KLK11: variants seen among roughly 807,000 people sequenced by gnomAD.
The protein encoded by KLK11 is kallikrein related peptidase 11.
Under a neutral mutation model 23.4 loss-of-function variants are expected in KLK11, and 10 were observed. That is an observed-to-expected ratio of 0.43 (90% CI 0.26 to 0.73). The LOEUF (loss-of-function observed/expected upper bound fraction) is 0.73, where lower values mean the gene tolerates loss of function less well. Among genes scored for constraint, KLK11 ranks in the 30% least tolerant of loss-of-function variants. KLK11 has a pLI of 0.22. For synonymous variants in KLK11, 131 were observed against 131.7 expected, an observed-to-expected ratio of 0.99 and a Z score of 0.03; for missense variants, 285 against 327.8, an observed-to-expected ratio of 0.87 and a Z score of 1.01.
chr19:51,027,368 G>A (rs1349718166), upstream of KLK11: 3 of 1,335,836 alleles, frequency 2.2e-6, no homozygotes, highest in African/African-American at 2.9e-5. Flanking sequence ...CCACCCCAGG[G>A]CTCCTCTGGG....
chr19:51,026,375 A>C (rs2091486453), intron 1 of KLK11, among the ~76,000 whole-genome samples, 163 bp downstream of exon 1: 1 of 151,864 alleles, frequency 6.6e-6, no homozygotes, highest in African/African-American at 2.4e-5. Context: ...GAGGCTGCGG[A>C]CAGCCATCGG....
intron 4 of KLK11, 141 bp from the exon 5 acceptor site, chr19:51,023,369 A>G: frequency 1.1e-6 from 1 of 880,346 alleles, no homozygotes; most frequent in Non-Finnish European, 1.7e-6. Context: ...CAATAGCAAC[A>G]GCAATGCTAT....
chr19:51,022,478 CA>C lies in KLK11; in HGVS notation c.*66del. 1 of 1,589,946 alleles carries C rather than the reference CA, an allele frequency of 6.3e-7. No individual in the cohort carries two copies. Among genetic ancestry groups the C allele is most frequent in the African/African-American group, 1.3e-5 (1 of 74,498 alleles). On this transcript the variant is annotated 3_prime_UTR_variant, in exon 6 of 6. Transcript: ENST00000453757. The stretch of plus-strand genomic sequence containing the variant: ...GTCTTGGCTTAGGGTTTCTTATTAA[CA>C]GAGTGAACAGGAACCAAACACCAAG...
chr19:51,026,068 G>C (rs1048744354), intron 1 of KLK11, among the ~76,000 whole-genome samples: 12 of 152,132 alleles, frequency 7.9e-5, no homozygotes, highest in Non-Finnish European at 1.5e-4. Context: ...AGGACAAGGG[G>C]AACCAGACAC....
chr19:51,026,598 ACAG>A lies in KLK11; in HGVS notation c.-99_-97del. 1.0e-6 allele frequency: 1 copy of A among 986,706 alleles called. No individual in the cohort carries two copies. The highest frequency in any genetic ancestry group is 1.2e-6 in the Non-Finnish European group (1 of 830,542). The allele number at this position is 986,706 out of a possible 1,614,324, so 61.1% of individuals were successfully genotyped here. ...GGCGGAGACGGCAGTGGCGGCAGCT[ACAG>A]CAGGTAGGCTGGGTTGGAGCGCCAG... is the stretch of plus-strand genomic sequence containing the variant. On this transcript the variant is annotated 5_prime_UTR_variant, in exon 1 of 6. Coordinates refer to ENST00000453757, the MANE Select transcript of KLK11 (RefSeq NM_001136032.3).
upstream of KLK11, chr19:51,027,608 G>T: frequency 6.6e-7 from 1 of 1,512,338 alleles, no homozygotes; most frequent in South Asian, 1.1e-5. Flanking sequence ...TCTCTCCCCT[G>T]ACCAGGTGTG....
Position 51,022,455 on chromosome 19 carries a change from C to A in KLK11, c.*90G>T. ...GGCCCAAAGAATGTTCGTAGAGGGT[C>A]TTGGCTTAGGGTTTCTTATTAACAG... is the stretch of plus-strand genomic sequence containing the variant. On this transcript the variant is annotated 3_prime_UTR_variant, in exon 6 of 6. Transcript: ENST00000453757. The A allele has an allele frequency of 6.6e-7, 1 of 1,511,168 alleles. No homozygotes were observed. The allele number at this position is 1,511,168 out of a possible 1,614,324, so 93.6% of individuals were successfully genotyped here. A position where few individuals can be genotyped will look rare whatever the true frequency, so the allele number is the denominator to read the frequency against.
In KLK11 at chr19:51,024,046, C is replaced by T. The variant is rs900264581; in HGVS notation, c.462G>A (p.Gln154=). 6.5e-7 allele frequency: 1 copy of T among 1,533,696 alleles called. No individual in the cohort carries two copies. The highest frequency in any genetic ancestry group is 8.8e-7 in the Non-Finnish European group (1 of 1,135,276). Residue 154 remains glutamine, a splice_region_variant and synonymous_variant, in exon 4 of 6, where the codon CAG becomes CAA. Transcript: ENST00000453757. This position sits in a 1 kb window ranked among gnomAD's most constrained non-coding sequence, Gnocchi z 6.2. Reference sequence around the variant, plus strand: ...CAGGTTCCCCTCTGGTGCTCCTACACTGGGGGCTGGACGTGCTGCCCCAGC... The same window carrying T: ...CAGGTTCCCCTCTGGTGCTCCTACATTGGGGGCTGGACGTGCTGCCCCAGC... ...ISGWGSTSSP[Q]LRLPHTLRCA...
chr19:51,022,882 C>T (rs1171385024), intron 5 of KLK11, among the ~76,000 whole-genome samples, 185 bp from the exon 6 acceptor site: 1 of 151,942 alleles, frequency 6.6e-6, no homozygotes, highest in African/African-American at 2.4e-5. Flanking sequence ...GGCTCAAAAA[C>T]GAGTTTGGGG....
At position 51,024,611 on chromosome 19, in the gene KLK11, CGG is replaced by C; in HGVS notation, c.197+25_197+26del. On this transcript the variant is annotated intron_variant, in intron 3 of 5. Coordinates refer to ENST00000453757, the MANE Select transcript of KLK11 (RefSeq NM_001136032.3). This position sits in a 1 kb window ranked among gnomAD's most constrained non-coding sequence, Gnocchi z 6.2. ...TCTCCCCATTCCCAGCCCCCCACCC[CGG>C]CACCGCCCCAGCCCCCGCACCCACG... 2.8e-5 allele frequency: 41 copies of C among 1,474,696 alleles called. No homozygotes were observed. The highest frequency in any genetic ancestry group is 3.1e-5 in the Non-Finnish European group (34 of 1,107,030). The allele number at this position is 1,474,696 out of a possible 1,614,324, so 91.4% of individuals were successfully genotyped here.
chr19:51,025,902 A>T lies in KLK11; in HGVS notation c.-35-236T>A. On this transcript the variant is annotated intron_variant, in intron 1 of 5. Coordinates refer to ENST00000453757, the MANE Select transcript of KLK11 (RefSeq NM_001136032.3). This position sits in a 1 kb window ranked among gnomAD's most constrained non-coding sequence, Gnocchi z 6.2. ...GGTCACAGCTAGAAGCTTCCGAGAT[A>T]CCAAGAACCATGTGGAAGTCGTTGG... The T allele has an allele frequency of 8.3e-6, 3 of 363,450 alleles. No individual in the cohort carries two copies. The South Asian group carries it at 2.5e-4, about 31-fold the overall frequency. The allele number at this position is 363,450 out of a possible 1,614,324, so 22.5% of individuals were successfully genotyped here.
Position 51,024,001 on chromosome 19 carries a change from C to A in KLK11, c.463+44G>T. The A allele has an allele frequency of 2.1e-6, 3 of 1,436,486 alleles. No individual in the cohort carries two copies. The South Asian group carries it at 4.3e-5, about 21-fold the overall frequency. 89.0% of individuals were successfully genotyped at this position (1,436,486 alleles called of 1,614,324 possible). On this transcript the variant is annotated intron_variant, in intron 4 of 5. Coordinates refer to ENST00000453757, the MANE Select transcript of KLK11 (RefSeq NM_001136032.3). This position sits in a 1 kb window ranked among gnomAD's most constrained non-coding sequence, Gnocchi z 6.2. ...GAACCCTTCCACAATCCTGACCACT[C>A]CCTCCTCACCACCCCCTGCCAGGTT...
chr19:51,025,662 T>G lies in KLK11; in HGVS notation c.-31A>C. 6.4e-7 allele frequency: 1 copy of G among 1,564,472 alleles called. No homozygotes were observed. The highest frequency in any genetic ancestry group is 8.7e-7 in the Non-Finnish European group (1 of 1,153,630). On this transcript the variant is annotated 5_prime_UTR_variant, in exon 2 of 6. Transcript: ENST00000453757. This position sits in a 1 kb window ranked among gnomAD's most constrained non-coding sequence, Gnocchi z 6.2. ...GGAGGGGGGAGGAGCGGGCCCCAGGTTCCTCTGGGAACAAGGAGGGACATG... is the reference window on the plus strand; with the variant it reads ...GGAGGGGGGAGGAGCGGGCCCCAGGGTCCTCTGGGAACAAGGAGGGACATG...
rs527345240 is a variant in KLK11, at chr19:51,023,385, T to TG, written c.464-158_464-157insC. ...AATAGCAACAGCAATGCTATCCAGC[T>TG]TTTTTTTTTTTTTTTTCGAGACAGA... On this transcript the variant is annotated intron_variant, in intron 4 of 5. Transcript: ENST00000453757. 6 of 117,914 alleles carry TG rather than the reference T, an allele frequency of 5.1e-5. No homozygotes were observed. In the African/African-American group the frequency reaches 7.9e-4, roughly 15 times the overall value. The allele number at this position is 117,914 out of a possible 1,614,324, so 7.3% of individuals were successfully genotyped here.
In KLK11 at chr19:51,023,927, C is replaced by T. The variant is rs971242738; in HGVS notation, c.463+118G>A. On this transcript the variant is annotated intron_variant, in intron 4 of 5. Transcript: ENST00000453757. Reference sequence around the variant, plus strand: ...CCTATCCTGACGTTTTCCACACATCCTCTCAACTTATCCCACATCGTCACT... The same window carrying T: ...CCTATCCTGACGTTTTCCACACATCTTCTCAACTTATCCCACATCGTCACT... 56 of 944,818 alleles carry T rather than the reference C, an allele frequency of 5.9e-5. No individual in the cohort carries two copies. In the East Asian group the frequency reaches 1.5e-3, roughly 25 times the overall value. 58.5% of individuals were successfully genotyped at this position (944,818 alleles called of 1,614,324 possible).
upstream of KLK11, chr19:51,027,456 C>T: frequency 1.2e-6 from 2 of 1,613,884 alleles, no homozygotes; most frequent in South Asian, 1.1e-5. Context: ...TGTTCACTTA[C>T]TGGCTGCTGT....
rs531649300 is a variant in KLK11 at position 51,024,617 on chromosome 19, C to T, written c.197+21G>A. On this transcript the variant is annotated intron_variant, in intron 3 of 5. Transcript: ENST00000453757. This position sits in a 1 kb window ranked among gnomAD's most constrained non-coding sequence, Gnocchi z 6.2. ...CATTCCCAGCCCCCCACCCCGGCAC[C>T]GCCCCAGCCCCCGCACCCACGGCTT... 3.4e-4 allele frequency: 513 copies of T among 1,495,616 alleles called. No individual in the cohort carries two copies. Among genetic ancestry groups the T allele is most frequent in the South Asian group, 7.3e-4 (56 of 77,060 alleles). 92.6% of individuals were successfully genotyped at this position (1,495,616 alleles called of 1,614,324 possible).
intron 4 of KLK11, 124 bp downstream of exon 4, chr19:51,023,921 C>T: frequency 2.2e-6 from 2 of 892,182 alleles, no homozygotes; most frequent in Non-Finnish European, 3.2e-6. Context: ...ACGTTTTCCA[C>T]ACATCCTCTC....
chr19:51,025,742 CCT>C lies in KLK11; in HGVS notation c.-35-78_-35-77del. The C allele has an allele frequency of 3.3e-6, 2 of 603,048 alleles. No homozygotes were observed. Among genetic ancestry groups the C allele is most frequent in the Non-Finnish European group, 5.9e-6 (2 of 341,268 alleles). 37.4% of individuals were successfully genotyped at this position (603,048 alleles called of 1,614,324 possible). On this transcript the variant is annotated intron_variant, in intron 1 of 5. Transcript: ENST00000453757. The surrounding 1 kb of genome is among the most constrained non-coding windows in gnomAD (Gnocchi z 6.2). ...AGGGGGGGGCTGGCTCATGCCCTCT[CCT>C]CTCTCCCTCACCTGCTCCCGCTCCC...
Sources: allele counts gnomAD v4.1 joint callset (sites outside exome capture counted in the v4.1 genomes callset), GRCh38; gene constraint gnomAD v4.1.1; non-coding constraint Gnocchi (gnomAD v3.1); transcripts MANE v1.5; gene names NCBI Gene and HGNC (gene_info 2026-07-23, HGNC 2026-07-21).